The following CDH13 variants were observed in gnomAD, a reference collection of about 807,000 sequenced individuals.
The protein encoded by CDH13 is cadherin-13.
Under a neutral mutation model 63.8 loss-of-function variants are expected in CDH13, and 24 were observed. The observed-to-expected ratio is 0.38, with a 90% CI of 0.27 to 0.53. CDH13 has a LOEUF of 0.53. Ranked by LOEUF, CDH13 falls within the 20% of genes least tolerant of loss-of-function variation. The pLI, the probability that CDH13 is intolerant of heterozygous loss-of-function variation, is 0.85. For missense variants in CDH13, 1,049 were observed against 903.1 expected (o/e 1.16, Z -2.07); for synonymous variants, 503 against 355.3 (o/e 1.42, Z -4.67).
chr16:83,006,924 G>GT (rs1286586839), intron 2 of CDH13, among the ~76,000 whole-genome samples: 7 of 127,650 alleles, frequency 5.5e-5, no homozygotes, highest in African/African-American at 1.2e-4. Context: ...TTGTTTGTTT[G>GT]TTTGTTTGTT....
At chr16:83,108,962 C>G (rs578127591) in intron 3 of CDH13, among the ~76,000 whole-genome samples, 4 of 152,312 alleles carry the variant, frequency 2.6e-5, no homozygotes, top group South Asian at 2.1e-4. Flanking sequence ...CTCCCTTCCC[C>G]TCCCTGCCTC....
At chr16:82,891,251 G>A (rs2041071177) in intron 2 of CDH13, among the ~76,000 whole-genome samples, 1 of 151,956 alleles carries the variant, frequency 6.6e-6, no homozygotes, top group Admixed American at 6.6e-5. Flanking sequence ...TCTCCCTTGG[G>A]GACTCTTAAT....
chr16:82,924,246 A>G (rs1460834621), intron 2 of CDH13, among the ~76,000 whole-genome samples: 12 of 150,604 alleles, frequency 8.0e-5, no homozygotes, highest in African/African-American at 2.2e-4. Context: ...CTCCATGTCT[A>G]TGTGGTTGCT....
chr16:83,085,272 G>C (rs2033513450), intron 3 of CDH13, among the ~76,000 whole-genome samples: 1 of 152,248 alleles, frequency 6.6e-6, no homozygotes, highest in African/African-American at 2.4e-5. Flanking sequence ...GATGTCTTGA[G>C]ATTTATTCAC....
chr16:83,575,874 C>G lies in CDH13; in HGVS notation c.961-26580C>G, dbSNP rs553981979. Among the ~76,000 whole-genome samples the G allele has an allele frequency of 3.9e-5, 6 of 152,294 alleles. No individual in the cohort carries two copies. The South Asian group carries it at 1.0e-3, about 26-fold the overall frequency. On this transcript the variant is annotated intron_variant, in intron 7 of 13. Transcript: ENST00000567109. The stretch of plus-strand genomic sequence containing the variant: ...CAAGGTCCAGGACTATTTCACTCAC[C>G]TTTGTACCCCCAGAAACTAGCACAT...
chr16:83,537,884 T>C (rs1210220854), intron 7 of CDH13, among the ~76,000 whole-genome samples: 1 of 152,242 alleles, frequency 6.6e-6, no homozygotes, highest in African/African-American at 2.4e-5. Context: ...ACCATAACTA[T>C]ATTCAACATA....
At chr16:83,350,608 T>C (rs1470867011) in intron 6 of CDH13, among the ~76,000 whole-genome samples, 1 of 152,216 alleles carries the variant, frequency 6.6e-6, no homozygotes, top group African/African-American at 2.4e-5. Context: ...GTGCTGGCGC[T>C]ATTCTAAGCT....
intron 1 of CDH13, chr16:82,705,369 G>A (rs1009453318): frequency 5.2e-5 from 16 of 306,442 alleles, no homozygotes; most frequent in African/African-American, 4.4e-5. Context: ...AATTCAATAC[G>A]CTAATACAGT....
At position 83,103,233 on chromosome 16, in the gene CDH13, G is replaced by A. The variant is rs538011586; in HGVS notation, c.367-22152G>A. ...CTCCCAAAGTACTGAGATTACAGGCGTTAACTGAACTTTTTTTTTTTTTTT... is the reference window on the plus strand; with the variant it reads ...CTCCCAAAGTACTGAGATTACAGGCATTAACTGAACTTTTTTTTTTTTTTT... On this transcript the variant is annotated intron_variant, in intron 3 of 13. Transcript: ENST00000567109. Among the ~76,000 whole-genome samples, 147 of 121,716 alleles carry A rather than the reference G, an allele frequency of 1.2e-3. No individual in the cohort carries two copies. The South Asian group carries it at 0.027, about 23-fold the overall frequency. 79.9% of individuals were successfully genotyped at this position (121,716 alleles called of 152,430 possible). A position where few individuals can be genotyped will look rare whatever the true frequency, so the allele number is the denominator to read the frequency against.
chr16:83,151,451 T>A (rs780404534), intron 4 of CDH13, among the ~76,000 whole-genome samples: 1 of 152,166 alleles, frequency 6.6e-6, no homozygotes, highest in Admixed American at 6.5e-5. Flanking sequence ...AATGTACCTA[T>A]GGGAGGATAG....
At chr16:83,014,211 T>A (rs961805776) in intron 2 of CDH13, among the ~76,000 whole-genome samples, 1 of 151,534 alleles carries the variant, frequency 6.6e-6, no homozygotes, top group Non-Finnish European at 1.5e-5. Context: ...ATTGAAAAAT[T>A]TTCAAACTAA....
At chr16:83,790,788 G>A (rs1002990086) in intron 13 of CDH13, among the ~76,000 whole-genome samples, 1 of 152,180 alleles carries the variant, frequency 6.6e-6, no homozygotes, top group Non-Finnish European at 1.5e-5. Flanking sequence ...AGGCAAGCCG[G>A]CATTGCCATT....
chr16:82,794,422 G>GT (rs1032344169), intron 1 of CDH13, among the ~76,000 whole-genome samples: 14 of 131,496 alleles, frequency 1.1e-4, no homozygotes, highest in East Asian at 4.2e-4. Flanking sequence ...CTTTTCTTTT[G>GT]TTTTTTTTCT....
chr16:83,068,652 T>A (rs2032208685), intron 3 of CDH13, among the ~76,000 whole-genome samples: 1 of 152,152 alleles, frequency 6.6e-6, no homozygotes, highest in Non-Finnish European at 1.5e-5. Context: ...ATGGTCTTCA[T>A]CTTTAATGCC....
chr16:83,111,599 T>C (rs1199987484), intron 3 of CDH13, among the ~76,000 whole-genome samples: 1 of 152,186 alleles, frequency 6.6e-6, no homozygotes, highest in Non-Finnish European at 1.5e-5. Context: ...CTAGAGCATA[T>C]GAAGGGCTTA....
intron 11 of CDH13, among the ~76,000 whole-genome samples, chr16:83,751,543 C>T (rs11641114): frequency 0.032 from 4,926 of 152,166 alleles, 119 homozygotes; most frequent in East Asian, 0.086. Context: ...AGGCAGCTGC[C>T]GCAGAAATAC....
chr16:83,345,137 C>T (rs1233494111), intron 6 of CDH13, 131 bp downstream of exon 6: 2 of 1,013,040 alleles, frequency 2.0e-6, no homozygotes, highest in Non-Finnish European at 2.8e-6. Flanking sequence ...TAATACTTCC[C>T]TGCGTAGAAG....
intron 3 of CDH13, among the ~76,000 whole-genome samples, chr16:83,074,732 C>T (rs1311948101): frequency 2.6e-5 from 4 of 152,214 alleles, no homozygotes; most frequent in Non-Finnish European, 4.4e-5. Flanking sequence ...TCGTCTCACA[C>T]AGTCCTCACT....
intron 2 of CDH13, among the ~76,000 whole-genome samples, chr16:82,902,388 G>GAA (rs61241730): frequency 1.4e-5 from 2 of 138,166 alleles, no homozygotes. Flanking sequence ...CAGGTTAGGA[G>GAA]AAAAAAAAAA....
Sources: allele counts gnomAD v4.1 joint callset (sites outside exome capture counted in the v4.1 genomes callset), GRCh38; gene constraint gnomAD v4.1.1; transcripts MANE v1.5; gene names NCBI Gene and HGNC (gene_info 2026-07-23, HGNC 2026-07-21).